HIVEP3: variants seen among roughly 807,000 people sequenced by gnomAD.
HIVEP3 encodes the protein HIVEP zinc finger 3.
HIVEP3 carries 49 observed loss-of-function variants against 152.8 expected under a neutral mutation model. The ratio of observed to expected loss-of-function variants is 0.32; its 90% CI spans 0.26 to 0.41. The LOEUF (loss-of-function observed/expected upper bound fraction) is 0.41. Among genes scored for constraint, HIVEP3 ranks in the 10% least tolerant of loss-of-function variants. The pLI, the probability that HIVEP3 is intolerant of heterozygous loss-of-function variation, is 1.00. For missense variants in HIVEP3, 2,790 were observed against 3,103.3 expected (o/e 0.90, Z 2.40); for synonymous variants, 1,269 against 1,289.0 (o/e 0.98, Z 0.33).
intron 3 of HIVEP3, among the ~76,000 whole-genome samples, chr1:41,609,807 C>A (rs1428426302): frequency 6.6e-6 from 1 of 152,268 alleles, no homozygotes; most frequent in African/African-American, 2.4e-5. Flanking sequence ...GTCCTTTAAA[C>A]CCACCAGTGA....
intron 1 of HIVEP3, among the ~76,000 whole-genome samples, chr1:41,903,506 A>C (rs963196126): frequency 2.6e-5 from 4 of 152,224 alleles, no homozygotes; most frequent in Non-Finnish European, 4.4e-5. Flanking sequence ...TTATTACTGG[A>C]GGTGAGGCTA....
Position 42,025,935 on chromosome 1 carries a change from G to A in HIVEP3, n.119+9872C>T, listed in dbSNP as rs925922660. On this transcript the variant is annotated intron_variant and non_coding_transcript_variant, in intron 1 of 3. Coordinates refer to the HIVEP3 transcript ENST00000489103. The stretch of plus-strand genomic sequence containing the variant: ...AAATATAAAAAATTAGCCGGGCGTG[G>A]TGGTGTGTGCCTATAGTCCCAGCTA... Among the ~76,000 whole-genome samples the A allele has an allele frequency of 3.7e-4, 57 of 152,012 alleles. 1 individual carries two copies. The highest frequency in any genetic ancestry group is 2.8e-3 in the Admixed American group (42 of 15,244).
intron 1 of HIVEP3, among the ~76,000 whole-genome samples, chr1:41,930,640 T>C (rs751843360): frequency 1.1e-4 from 16 of 152,268 alleles, no homozygotes; most frequent in Non-Finnish European, 2.4e-4. Context: ...AGGAGTGGGA[T>C]TGCCGGGTCA....
intron 1 of HIVEP3, among the ~76,000 whole-genome samples, chr1:41,906,317 A>C (rs1363543468): frequency 6.6e-6 from 1 of 152,064 alleles, no homozygotes; most frequent in Non-Finnish European, 1.5e-5. Context: ...TGAAAAAAAA[A>C]AAATCCTGTG....
In HIVEP3 at chr1:41,681,867, G is replaced by A. The variant is rs147283713; in HGVS notation, c.-721+19049C>T. ...ACTTGGATGTTCTTTCTGACTATGT[G>A]CAAATTCCGATTCATTTACAAATCT... is the stretch of plus-strand genomic sequence containing the variant. On this transcript the variant is annotated intron_variant, in intron 2 of 8. Coordinates refer to ENST00000372583, the MANE Select transcript of HIVEP3 (RefSeq NM_024503.5). 1.5e-3 allele frequency among the ~76,000 whole-genome samples: 232 copies of A among 152,272 alleles called. 3 individuals carry two copies. In the Middle Eastern group the frequency reaches 0.041, roughly 27 times the overall value.
At chr1:41,702,195 T>A (rs2124130239) in intron 1 of HIVEP3, among the ~76,000 whole-genome samples, 1 of 152,150 alleles carries the variant, frequency 6.6e-6, no homozygotes, top group East Asian at 1.9e-4. Flanking sequence ...ATCATCACCA[T>A]CATCCCCACC....
chr1:41,928,474 A>C (rs542513793), intron 1 of HIVEP3, among the ~76,000 whole-genome samples: 1 of 152,356 alleles, frequency 6.6e-6, no homozygotes, highest in East Asian at 1.9e-4. Flanking sequence ...ACATAACCAT[A>C]GTACAATTAT....
At chr1:41,818,459 C>CG (rs1642478716) in intron 1 of HIVEP3, among the ~76,000 whole-genome samples, 1 of 151,978 alleles carries the variant, frequency 6.6e-6, no homozygotes, top group Admixed American at 6.6e-5. Context: ...TCCCTGGGGG[C>CG]GGGGGCATTG....
intron 1 of HIVEP3, among the ~76,000 whole-genome samples, chr1:41,964,453 G>T (rs1645186909): frequency 6.6e-6 from 1 of 152,216 alleles, no homozygotes; most frequent in Non-Finnish European, 1.5e-5. Context: ...AGGGTCTTGG[G>T]TCCCACACAC....
At position 41,545,501 on chromosome 1, in the gene HIVEP3, TACC is replaced by T. The variant is rs200436230; in HGVS notation, c.5208-20594_5208-20592del. 2.2e-3 allele frequency among the ~76,000 whole-genome samples: 138 copies of T among 61,734 alleles called. 1 individual carries two copies. Among genetic ancestry groups the T allele is most frequent in the Admixed American group, 0.018 (125 of 6,904 alleles). The allele number at this position is 61,734 out of a possible 152,430, so 40.5% of individuals were successfully genotyped here. On this transcript the variant is annotated intron_variant, in intron 5 of 8. Coordinates refer to ENST00000372583, the MANE Select transcript of HIVEP3 (RefSeq NM_024503.5). Reference sequence around the variant, plus strand: ...CCACTACCACCAGCATCACCACCACTACCACCATCGCTACCATCACCACCACTA... The same window carrying T: ...CCACTACCACCAGCATCACCACCACTACCATCGCTACCATCACCACCACTA...
At chr1:41,883,359 G>C (rs1236135167) in intron 1 of HIVEP3, among the ~76,000 whole-genome samples, 1 of 152,126 alleles carries the variant, frequency 6.6e-6, no homozygotes, top group African/African-American at 2.4e-5. Context: ...CTGTGAGCTA[G>C]ATTGCCCTTC....
At chr1:41,955,438 T>C (rs920646307) in intron 1 of HIVEP3, among the ~76,000 whole-genome samples, 1 of 152,132 alleles carries the variant, frequency 6.6e-6, no homozygotes, top group Non-Finnish European at 1.5e-5. Flanking sequence ...GAGGGCATAG[T>C]TAAATAGGAG....
chr1:42,035,126 G>T (rs942051519), intron 1 of HIVEP3, among the ~76,000 whole-genome samples: 1 of 152,220 alleles, frequency 6.6e-6, no homozygotes, highest in Non-Finnish European at 1.5e-5. Context: ...TCAGGAAAAT[G>T]CTAAGTAAAT....
At position 41,971,009 on chromosome 1, in the gene HIVEP3, G is replaced by GA. The variant is rs543821318; in HGVS notation, n.120-52486dup. ...TTCTGTTGTATATAGATTTGATGTA[G>GA]AAAAAAAATATAGACCTGATTTAAT... is the stretch of plus-strand genomic sequence containing the variant. On this transcript the variant is annotated intron_variant and non_coding_transcript_variant, in intron 1 of 3. Transcript: ENST00000489103. 7.9e-5 allele frequency among the ~76,000 whole-genome samples: 12 copies of GA among 151,812 alleles called. No homozygotes were observed. The South Asian group carries it at 1.5e-3, about 18-fold the overall frequency.
At chr1:41,694,793 G>C (rs936678608) in intron 2 of HIVEP3, among the ~76,000 whole-genome samples, 1 of 152,142 alleles carries the variant, frequency 6.6e-6, no homozygotes, top group African/African-American at 2.4e-5. Context: ...TTACCAATAA[G>C]ATACAACACC....
At chr1:41,858,330 C>A (rs142243346) in intron 1 of HIVEP3, among the ~76,000 whole-genome samples, 24 of 152,252 alleles carry the variant, frequency 1.6e-4, no homozygotes, top group African/African-American at 5.3e-4. Flanking sequence ...TTTGAGTGTA[C>A]CTGCCTATGT....
chr1:41,914,379 C>A lies in HIVEP3; in HGVS notation c.-801+4034G>T, dbSNP rs145875441. 9.7e-4 allele frequency among the ~76,000 whole-genome samples: 148 copies of A among 152,298 alleles called. 1 individual carries two copies. Among genetic ancestry groups the A allele is most frequent in the African/African-American group, 3.4e-3 (142 of 41,564 alleles). Reference sequence around the variant, plus strand: ...ATTATATTCAATAACCTGTTACTGACAGTTTCTTTTAGTTAAAGAATTTTT... The same window carrying A: ...ATTATATTCAATAACCTGTTACTGAAAGTTTCTTTTAGTTAAAGAATTTTT... On this transcript the variant is annotated intron_variant, in intron 1 of 8. Transcript: ENST00000372583.
At chr1:41,674,157 A>C (rs1461942481) in intron 2 of HIVEP3, among the ~76,000 whole-genome samples, 1 of 152,254 alleles carries the variant, frequency 6.6e-6, no homozygotes, top group African/African-American at 2.4e-5. Flanking sequence ...CCGTGTCGGG[A>C]AAGCTGGCCC....
intron 3 of HIVEP3, among the ~76,000 whole-genome samples, chr1:41,609,545 A>G (rs554040128): frequency 6.6e-6 from 1 of 152,402 alleles, no homozygotes; most frequent in South Asian, 2.1e-4. Flanking sequence ...TAAGTGTACC[A>G]GGAGAAAGGG....
Sources: allele counts gnomAD v4.1 joint callset (sites outside exome capture counted in the v4.1 genomes callset), GRCh38; gene constraint gnomAD v4.1.1; transcripts MANE v1.5; gene names NCBI Gene and HGNC (gene_info 2026-07-23, HGNC 2026-07-21).